The following NLRP14 variants were observed in gnomAD, a reference collection of about 807,000 sequenced individuals.
NLRP14 encodes the protein NACHT, LRR and PYD domains-containing protein 14.
In NLRP14, 105 loss-of-function variants were observed where a neutral mutation model predicts 94.7. The ratio of observed to expected loss-of-function variants is 1.11; its 90% CI spans 0.95 to 1.30. The LOEUF (loss-of-function observed/expected upper bound fraction) is 1.30, where lower values mean the gene tolerates loss of function less well. Among genes scored for constraint, NLRP14 ranks in the 50% most tolerant of loss-of-function variants. NLRP14 has a pLI of 0.00. For synonymous variants in NLRP14, 508 were observed against 459.9 expected, an observed-to-expected ratio of 1.10 and a Z score of -1.34; for missense variants, 1,362 against 1,254.1, an observed-to-expected ratio of 1.09 and a Z score of -1.30.
chr11:7,049,689 C>T lies in NLRP14; in HGVS notation c.2142C>T (p.Phe714=). ...TCTGAAGGTTGAAATTTATCACTTT[C>T]CCTGATGGTTGTCAGGATATCTCTA... ...LQKLLLKFIT[F]PDGCQDISTS... is the part of the protein sequence containing the mutation. The change falls in exon 6 of 12, where the codon TTC becomes TTT. Residue 714 remains phenylalanine, a synonymous_variant. Coordinates refer to ENST00000299481, the MANE Select transcript of NLRP14 (RefSeq NM_176822.4). 2 of 1,612,422 alleles carry T rather than the reference C, an allele frequency of 1.2e-6. No homozygotes were observed. The highest frequency in any genetic ancestry group is 1.7e-5 in the Admixed American group (1 of 60,024).
the NLRP14 span, among the ~76,000 whole-genome samples, chr11:7,085,652 A>AAAATCCAGGGGTG: frequency 0.031 from 4,709 of 152,290 alleles, 135 homozygotes; most frequent in East Asian, 0.13. Flanking sequence ...CAAGGATACC[A>AAAATCCAGGGGTG]CTAAGTCCCT....
At chr11:7,047,381 C>T (rs1006164205) in intron 5 of NLRP14, among the ~76,000 whole-genome samples, 4 of 151,216 alleles carry the variant, frequency 2.6e-5, no homozygotes, top group Non-Finnish European at 5.9e-5. Flanking sequence ...GTGATGCTAT[C>T]GCAGCTAGAA....
chr11:7,037,096 T>G (rs1316747712), intron 1 of NLRP14, among the ~76,000 whole-genome samples: 1 of 152,192 alleles, frequency 6.6e-6, no homozygotes, highest in Non-Finnish European at 1.5e-5. Context: ...AAGCGGAAGA[T>G]GTATTCTGTG....
chr11:7,077,251 G>T, the NLRP14 span, among the ~76,000 whole-genome samples: 1 of 152,246 alleles, frequency 6.6e-6, no homozygotes, highest in Non-Finnish European at 1.5e-5. Context: ...CGTGGGTGCG[G>T]CTGGAAAGGA....
At chr11:7,062,263 T>C in intron 9 of NLRP14, 70 bp from the exon 10 acceptor site, 4 of 1,308,524 alleles carry the variant, frequency 3.1e-6, no homozygotes, top group Non-Finnish European at 4.4e-6. Flanking sequence ...TACCTGGGTA[T>C]ATCTCCTAGG....
chr11:7,069,507 T>TAGCC (rs1304342564), intron 10 of NLRP14, among the ~76,000 whole-genome samples: 12 of 152,232 alleles, frequency 7.9e-5, no homozygotes, highest in Non-Finnish European at 1.6e-4. Flanking sequence ...TTATCTCCAT[T>TAGCC]AGCCATTCTC....
chr11:7,090,292 G>C, the NLRP14 span: 7 of 1,597,066 alleles, frequency 4.4e-6, no homozygotes, highest in South Asian at 7.9e-5. Context: ...GGCCGGAGCA[G>C]ATACTAAGCA....
Position 7,042,397 on chromosome 11 carries a change from C to A in NLRP14, c.371C>A (p.Thr124Lys). Residue 124 changes from threonine (T) to lysine (K), a missense_variant, in exon 4 of 12, where the codon ACA becomes AAA. By Grantham distance (78) the Thr-to-Lys change is moderately conservative. Coordinates refer to ENST00000299481, the MANE Select transcript of NLRP14 (RefSeq NM_176822.4). ...EDQEAVLGDG[T>K]EYRNRIKEKF... ...TGCCATTCTGACTTAGGTGATGGAA[C>A]AGAATACAGAAATAGAATAAAGGAA... 1 of 1,613,362 alleles carries A rather than the reference C, an allele frequency of 6.2e-7. No homozygotes were observed. The highest frequency in any genetic ancestry group is 8.5e-7 in the Non-Finnish European group (1 of 1,179,622).
chr11:7,025,396 C>G (rs191908363), intron 1 of NLRP14, among the ~76,000 whole-genome samples: 1 of 152,106 alleles, frequency 6.6e-6, no homozygotes, highest in Non-Finnish European at 1.5e-5. Flanking sequence ...CAGATGTCCC[C>G]TGAGTTCACA....
rs576106705 is a variant in NLRP14, at chr11:7,068,983, G to C, written c.2976-1303G>C. Among the ~76,000 whole-genome samples the C allele has an allele frequency of 6.6e-5, 10 of 152,198 alleles. No homozygotes were observed. The South Asian group carries it at 2.1e-3, about 32-fold the overall frequency. On this transcript the variant is annotated intron_variant, in intron 10 of 11. Transcript: ENST00000299481. ...GCAGTATTCTGTATCAGTTAATTAA[G>C]ATTATTAGTTCTGTTTATCTAAATT...
In NLRP14 at chr11:7,043,929, G is replaced by A. The variant is rs1285611941; in HGVS notation, c.1903G>A (p.Val635Ile). The A allele has an allele frequency of 1.2e-6, 2 of 1,614,028 alleles. No individual in the cohort carries two copies. The highest frequency in any genetic ancestry group is 1.3e-5 in the African/African-American group (1 of 74,926). ...GTGTTTGCGGACCATCAGGCTGTCT[G>A]TAACTGTGGTATTTGAGAAGAAGAT... ...CRCLRTIRLS[V>I]TVVFEKKILK... The change falls in exon 4 of 12, where the codon GTA (valine) becomes ATA (isoleucine). Residue 635 changes from valine (V) to isoleucine (I), a missense_variant. Transcript: ENST00000299481.
chr11:7,031,580 G>A (rs1438461683), intron 1 of NLRP14, among the ~76,000 whole-genome samples: 2 of 152,126 alleles, frequency 1.3e-5, no homozygotes, highest in African/African-American at 2.4e-5. Flanking sequence ...TGCAGTGCCC[G>A]CTTCTTGAAT....
chr11:7,040,509 G>GA (rs1287020324), intron 3 of NLRP14, among the ~76,000 whole-genome samples: 2 of 152,106 alleles, frequency 1.3e-5, no homozygotes, highest in Non-Finnish European at 2.9e-5. Context: ...TACATCCATG[G>GA]AAAAATTGTC....
intron 10 of NLRP14, among the ~76,000 whole-genome samples, chr11:7,067,568 A>G (rs1185304036): frequency 1.3e-5 from 2 of 152,194 alleles, no homozygotes; most frequent in Non-Finnish European, 2.9e-5. Context: ...GACTTTGCTG[A>G]AGTTGCTTAT....
At chr11:7,063,704 A>G (rs2032009509) in intron 10 of NLRP14, among the ~76,000 whole-genome samples, 1 of 152,088 alleles carries the variant, frequency 6.6e-6, no homozygotes, top group Non-Finnish European at 1.5e-5. Context: ...CTGGGACCAA[A>G]TCTGTTCAGT....
chr11:7,058,232 A>T, intron 7 of NLRP14, 48 bp from the exon 8 acceptor site: 2 of 1,521,902 alleles, frequency 1.3e-6, no homozygotes, highest in Non-Finnish European at 1.8e-6. Context: ...GAAGAGAAGC[A>T]TGGGCTTTGG....
At chr11:7,045,164 G>T (rs1852329651) in intron 4 of NLRP14, among the ~76,000 whole-genome samples, 1 of 152,128 alleles carries the variant, frequency 6.6e-6, no homozygotes, top group African/African-American at 2.4e-5. Flanking sequence ...GCAAACTGTG[G>T]GAGTAGAAAT....
At chr11:7,069,523 C>T (rs1852760049) in intron 10 of NLRP14, among the ~76,000 whole-genome samples, 1 of 152,210 alleles carries the variant, frequency 6.6e-6, no homozygotes, top group Non-Finnish European at 1.5e-5. Flanking sequence ...TTCTCTTTCC[C>T]ACCTATAGGC....
intron 1 of NLRP14, among the ~76,000 whole-genome samples, chr11:7,034,426 C>T (rs1852135309): frequency 6.6e-6 from 1 of 152,198 alleles, no homozygotes; most frequent in Non-Finnish European, 1.5e-5. Flanking sequence ...AGCAGTTTCT[C>T]AGAGGAGCCC....
Sources: allele counts gnomAD v4.1 joint callset (sites outside exome capture counted in the v4.1 genomes callset), GRCh38; gene constraint gnomAD v4.1.1; transcripts MANE v1.5; gene names NCBI Gene and HGNC (gene_info 2026-07-23, HGNC 2026-07-21).